ATXN2L: variants seen among roughly 807,000 people sequenced by gnomAD.
The protein encoded by ATXN2L is ataxin 2 like.
In ATXN2L, 24 loss-of-function variants were observed where a neutral mutation model predicts 120.7. The observed-to-expected ratio is 0.20, with a 90% CI of 0.14 to 0.28. The LOEUF is 0.28. ATXN2L is among the 10% of genes least tolerant of loss of function. The pLI, the probability that ATXN2L is intolerant of heterozygous loss-of-function variation, is 1.00. For missense variants in ATXN2L, 1,312 were observed against 1,432.3 expected, an observed-to-expected ratio of 0.92 and a Z score of 1.36; for synonymous variants, 653 against 568.1, an observed-to-expected ratio of 1.15 and a Z score of -2.13.
Position 28,837,015 on chromosome 16 carries a change from C to T in ATXN2L, c.*750C>T, listed in dbSNP as rs1250592016. On this transcript the variant is annotated 3_prime_UTR_variant, in exon 22 of 22. Coordinates refer to ENST00000336783, the MANE Select transcript of ATXN2L (RefSeq NM_007245.4). ...CCGTCCCCACCCAGTCTTGCCCTCC[C>T]ATCCTCTCATCTATTCCCCCGCTGG... 4 of 669,880 alleles carry T rather than the reference C, an allele frequency of 6.0e-6. No homozygotes were observed. The highest frequency in any genetic ancestry group is 3.1e-5 in the South Asian group (2 of 65,084). The allele number at this position is 669,880 out of a possible 1,614,324, so 41.5% of individuals were successfully genotyped here. A position where few individuals can be genotyped will look rare whatever the true frequency, so the allele number is the denominator to read the frequency against.
intron 15 of ATXN2L, 162 bp from the exon 16 acceptor site, chr16:28,833,903 A>G: frequency 1.2e-6 from 1 of 831,652 alleles, no homozygotes; most frequent in Non-Finnish European, 1.9e-6. Flanking sequence ...GTAACTTTAG[A>G]ATACTCATCT....
At chr16:28,830,089 G>T in intron 8 of ATXN2L, 31 bp downstream of exon 8, 1 of 1,584,900 alleles carries the variant, frequency 6.3e-7, no homozygotes, top group Non-Finnish European at 8.6e-7. Context: ...GGACTACTTG[G>T]GGCTTCTGGG....
Position 28,832,501 on chromosome 16 carries a change from G to T in ATXN2L, c.1522G>T (p.Glu508Ter). Residue 508 changes from glutamate to a stop codon, truncating the protein, a stop_gained, in exon 12 of 22, where the codon GAA becomes TAA. Transcript: ENST00000336783. LOFTEE classifies it high-confidence loss of function. ...ATTTCTCTTTACTTGAACAGTAAAAGAACTCTCTACCAAGGAACCTGGGAG... is the reference window on the plus strand; with the variant it reads ...ATTTCTCTTTACTTGAACAGTAAAATAACTCTCTACCAAGGAACCTGGGAG... ...KISLAPTDVK[E>*]LSTKEPGRTL... 2.5e-6 allele frequency: 4 copies of T among 1,614,144 alleles called. No homozygotes were observed. Among genetic ancestry groups the T allele is most frequent in the Non-Finnish European group, 3.4e-6 (4 of 1,179,992 alleles).
In ATXN2L at chr16:28,836,462, C is replaced by T. The variant is rs769876417; in HGVS notation, c.*197C>T. The T allele has an allele frequency of 8.7e-6, 14 of 1,611,932 alleles. No homozygotes were observed. Among genetic ancestry groups the T allele is most frequent in the African/African-American group, 1.3e-5 (1 of 74,822 alleles). On this transcript the variant is annotated 3_prime_UTR_variant, in exon 22 of 22. Coordinates refer to ENST00000336783, the MANE Select transcript of ATXN2L (RefSeq NM_007245.4). ...CTGCCTCCCCAGCTCTCAGTGACCC[C>T]GACTGTCTCCTGACTTAGCCGAGGT...
At chr16:28,826,185 T>C in intron 4 of ATXN2L, 55 bp from the exon 5 acceptor site, 7 of 1,596,562 alleles carry the variant, frequency 4.4e-6, no homozygotes, top group Non-Finnish European at 6.0e-6. Flanking sequence ...GTTCTATTTT[T>C]GCCTTCACTT....
At chr16:28,824,435 G>T in intron 1 of ATXN2L, 1 of 1,285,396 alleles carries the variant, frequency 7.8e-7, no homozygotes, top group Non-Finnish European at 1.0e-6. Flanking sequence ...TGGCTTTTGC[G>T]GCTGCGCTGT....
Position 28,823,531 on chromosome 16 carries a change from C to CG in ATXN2L, c.277dup (p.Ala93GlyfsTer23). On this transcript the variant is annotated frameshift_variant, in exon 1 of 22. Coordinates refer to ENST00000336783, the MANE Select transcript of ATXN2L (RefSeq NM_007245.4). LOFTEE classifies it high-confidence loss of function. ...CCGCCGCAGCAACACCAGGAGAGGC[C>CG]GGGGGCAGCCGCCATCGGCAGCGCC... 7.3e-7 allele frequency: 1 copy of CG among 1,374,140 alleles called. No homozygotes were observed. The highest frequency in any genetic ancestry group is 9.4e-7 in the Non-Finnish European group (1 of 1,066,180). 85.1% of individuals were successfully genotyped at this position (1,374,140 alleles called of 1,614,324 possible). A position where few individuals can be genotyped will look rare whatever the true frequency, so the allele number is the denominator to read the frequency against.
chr16:28,836,971 G>T lies in ATXN2L; in HGVS notation c.*706G>T, dbSNP rs921524988. Reference sequence around the variant, plus strand: ...GGCCAGGGTCCAGCAGGGGTGGGGGGTTCCTGCTCTGCCCCTGCCCGTCCC... The same window carrying T: ...GGCCAGGGTCCAGCAGGGGTGGGGGTTTCCTGCTCTGCCCCTGCCCGTCCC... On this transcript the variant is annotated 3_prime_UTR_variant, in exon 22 of 22. Coordinates refer to ENST00000336783, the MANE Select transcript of ATXN2L (RefSeq NM_007245.4). The T allele has an allele frequency of 1.0e-5, 7 of 679,832 alleles. No individual in the cohort carries two copies. The highest frequency in any genetic ancestry group is 5.5e-5 in the East Asian group (2 of 36,246). The allele number at this position is 679,832 out of a possible 1,614,324, so 42.1% of individuals were successfully genotyped here. A position where few individuals can be genotyped will look rare whatever the true frequency, so the allele number is the denominator to read the frequency against.
In ATXN2L at chr16:28,836,865, G is replaced by GC; in HGVS notation, c.*606dup. 2.1e-6 allele frequency: 3 copies of GC among 1,406,088 alleles called. No homozygotes were observed. Among genetic ancestry groups the GC allele is most frequent in the South Asian group, 2.4e-5 (2 of 82,924 alleles). The allele number at this position is 1,406,088 out of a possible 1,614,324, so 87.1% of individuals were successfully genotyped here. ...CCCCCAGCAGCTCGGACCACTCCCA[G>GC]CCCCCCATCCCCCCGTTCCCCAGGG... On this transcript the variant is annotated 3_prime_UTR_variant, in exon 22 of 22. Transcript: ENST00000336783.
intron 18 of ATXN2L, 56 bp from the exon 19 acceptor site, chr16:28,834,999 CAGG>C: frequency 1.6e-5 from 25 of 1,575,716 alleles, no homozygotes; most frequent in Non-Finnish European, 2.2e-5. Context: ...CAGTGACTGG[CAGG>C]AGGACACCTT....
At chr16:28,829,520 T>C in intron 7 of ATXN2L, 28 bp downstream of exon 7, 1 of 1,489,334 alleles carries the variant, frequency 6.7e-7, no homozygotes. Flanking sequence ...CTCCAGGTGA[T>C]GTGTTGGTGA....
chr16:28,831,579 T>C (rs906213161), intron 10 of ATXN2L, among the ~76,000 whole-genome samples: 1 of 152,148 alleles, frequency 6.6e-6, no homozygotes, highest in South Asian at 2.1e-4. Context: ...CCTCCCACCT[T>C]GGTCTCCCAA....
chr16:28,832,789 TTTC>T (rs755478281), intron 12 of ATXN2L, 25 bp from the exon 13 acceptor site: 7 of 1,609,580 alleles, frequency 4.3e-6, no homozygotes, highest in African/African-American at 4.0e-5. Flanking sequence ...TGTTTTGTAT[TTTC>T]TTCTTTTTGA....
At position 28,826,380 on chromosome 16, in the gene ATXN2L, T is replaced by C. The variant is rs929236116; in HGVS notation, c.606T>C (p.Tyr202=). The C allele has an allele frequency of 1.1e-5, 17 of 1,614,100 alleles. No homozygotes were observed. The highest frequency in any genetic ancestry group is 4.0e-5 in the African/African-American group (3 of 74,944). Residue 202 remains tyrosine (Y), a synonymous_variant, in exon 5 of 22, where the codon TAT becomes TAC. Transcript: ENST00000336783. ...LVHFRNVDFN[Y]ATKDKFTDSA... Reference sequence around the variant, plus strand: ...ACTTCCGAAATGTTGACTTCAACTATGCTACTAAAGGTATTGTCCTAGGCT... The same window carrying C: ...ACTTCCGAAATGTTGACTTCAACTACGCTACTAAAGGTATTGTCCTAGGCT...
chr16:28,836,363 G>A lies in ATXN2L; in HGVS notation c.*98G>A, dbSNP rs762464256. 1 of 1,613,608 alleles carries A rather than the reference G, an allele frequency of 6.2e-7. No homozygotes were observed. ...GCAGAAGCCACAGTCGCCGCCGCCA[G>A]GGGCTTGCTCCTGGCTCTGTCCTTT... is the stretch of plus-strand genomic sequence containing the variant. On this transcript the variant is annotated 3_prime_UTR_variant, in exon 22 of 22. Transcript: ENST00000336783.
At position 28,823,500 on chromosome 16, in the gene ATXN2L, C is replaced by T. The variant is rs2050327636; in HGVS notation, c.241C>T (p.Pro81Ser). 1.7e-5 allele frequency: 23 copies of T among 1,362,324 alleles called. No individual in the cohort carries two copies. Among genetic ancestry groups the T allele is most frequent in the Non-Finnish European group, 2.1e-5 (22 of 1,059,170 alleles). The allele number at this position is 1,362,324 out of a possible 1,614,324, so 84.4% of individuals were successfully genotyped here. The change falls in exon 1 of 22, where the codon CCG (proline) becomes TCG (serine). Residue 81 changes from proline to serine, a missense_variant. Pro to Ser is a moderately conservative substitution (Grantham distance 74). Transcript: ENST00000336783. ...AGCCGAAGGCATCTTGGCGCCGCAG[C>T]CGCCGCCGCCGCAGCAACACCAGGA... ...RGAEGILAPQ[P>S]PPPQQHQERP... is the part of the protein sequence containing the mutation.
At position 28,835,665 on chromosome 16, in the gene ATXN2L, C is replaced by T; in HGVS notation, c.2802C>T (p.Ser934=). 1 of 1,614,106 alleles carries T rather than the reference C, an allele frequency of 6.2e-7. No individual in the cohort carries two copies. The highest frequency in any genetic ancestry group is 8.5e-7 in the Non-Finnish European group (1 of 1,180,000). ...PSLPPGPSAQ[S]PQSSFPQPAA... ...TGCCACCGGGACCTTCTGCCCAGTC[C>T]CCTCAGAGCAGCTTCCCCCAGCCAG... Residue 934 remains serine (S), a synonymous_variant, in exon 21 of 22, where the codon TCC becomes TCT. Transcript: ENST00000336783.
chr16:28,826,521 G>T, intron 5 of ATXN2L, 131 bp downstream of exon 5: 1 of 1,100,168 alleles, frequency 9.1e-7, no homozygotes, highest in South Asian at 1.7e-5. Flanking sequence ...TTGCTTTAAT[G>T]CCTTTTTTTT....
rs1276961829 is a variant in ATXN2L at position 28,826,906 on chromosome 16, G to A, written c.661G>A (p.Gly221Arg). The A allele has an allele frequency of 6.2e-7, 1 of 1,600,072 alleles. No homozygotes were observed. The highest frequency in any genetic ancestry group is 8.5e-7 in the Non-Finnish European group (1 of 1,171,418). ...CATTGCCATGAACTCGAAAGTGAAT[G>A]GGGAACACAAAGAGAAGGTGCTTCA... Reference protein sequence around the residue: ...SAIAMNSKVNGEHKEKVLQRW... With the variant: ...SAIAMNSKVNREHKEKVLQRW... The change falls in exon 6 of 22, where the codon GGG (glycine) becomes AGG (arginine). Residue 221 changes from glycine to arginine, a missense_variant. Coordinates refer to ENST00000336783, the MANE Select transcript of ATXN2L (RefSeq NM_007245.4).
Sources: allele counts gnomAD v4.1 joint callset (sites outside exome capture counted in the v4.1 genomes callset), GRCh38; gene constraint gnomAD v4.1.1; transcripts MANE v1.5; gene names NCBI Gene and HGNC (gene_info 2026-07-23, HGNC 2026-07-21).